Variants in STARD13 observed in about 807,000 individuals in gnomAD.
STARD13 encodes StAR related lipid transfer domain containing 13.
Under a neutral mutation model 106.4 loss-of-function variants are expected in STARD13, and 62 were observed. The ratio of observed to expected loss-of-function variants is 0.58; its 90% confidence interval spans 0.48 to 0.72. The LOEUF is 0.72. STARD13 is among the 30% of genes least tolerant of loss of function. The pLI is 0.00. For missense variants in STARD13, 1,387 were observed against 1,424.0 expected, an observed-to-expected ratio of 0.97 and a Z score of 0.42; for synonymous variants, 565 against 553.0, an observed-to-expected ratio of 1.02 and a Z score of -0.31.
chr13:33,396,204 C>A, the STARD13 span, among the ~76,000 whole-genome samples: 6 of 151,928 alleles, frequency 3.9e-5, no homozygotes, highest in African/African-American at 1.5e-4. Flanking sequence ...CTATGTTGAC[C>A]AGGTTGGTTT....
chr13:33,491,170 G>T, the STARD13 span, among the ~76,000 whole-genome samples: 1 of 152,190 alleles, frequency 6.6e-6, no homozygotes, highest in Admixed American at 6.5e-5. Flanking sequence ...ACTGTTGAAA[G>T]GATAACAGAC....
At chr13:33,163,099 T>C (rs1594009861) in intron 3 of STARD13, among the ~76,000 whole-genome samples, 1 of 152,068 alleles carries the variant, frequency 6.6e-6, no homozygotes, top group Non-Finnish European at 1.5e-5. Flanking sequence ...ATGAGGAAGA[T>C]GCAAAAGCAG....
At chr13:33,263,448 G>A (rs1201938434) in intron 1 of STARD13, among the ~76,000 whole-genome samples, 2 of 152,180 alleles carry the variant, frequency 1.3e-5, no homozygotes, top group Non-Finnish European at 2.9e-5. Context: ...AATGAAATGA[G>A]AGAACTTTTG....
chr13:33,526,429 G>A, the STARD13 span, among the ~76,000 whole-genome samples: 13 of 152,004 alleles, frequency 8.6e-5, no homozygotes, highest in African/African-American at 2.7e-4. Flanking sequence ...ACTGAAACAG[G>A]GTGAACACTC....
chr13:33,352,709 C>G (rs894485922), upstream of STARD13, among the ~76,000 whole-genome samples: 2 of 152,238 alleles, frequency 1.3e-5, no homozygotes, highest in Non-Finnish European at 2.9e-5. Context: ...CATGGCCCAG[C>G]TCTCTGCCAG....
the STARD13 span, among the ~76,000 whole-genome samples, chr13:33,590,271 C>A: frequency 6.6e-6 from 1 of 152,124 alleles, no homozygotes; most frequent in Non-Finnish European, 1.5e-5. Flanking sequence ...CTAGTTCAAC[C>A]ATTGCGGAAG....
At chr13:33,167,439 G>T in intron 2 of STARD13, 112 bp downstream of exon 2, 2 of 1,079,634 alleles carry the variant, frequency 1.9e-6, no homozygotes, top group Non-Finnish European at 2.7e-6. Flanking sequence ...AAAAGAAAGC[G>T]AAGCAAAATG....
the STARD13 span, among the ~76,000 whole-genome samples, chr13:33,463,113 C>T: frequency 6.6e-6 from 1 of 152,144 alleles, no homozygotes; most frequent in Admixed American, 6.5e-5. Flanking sequence ...GTAGGCAAGC[C>T]TCCGAATTGG....
intron 6 of STARD13, 96 bp downstream of exon 6, chr13:33,127,277 G>T: frequency 7.3e-7 from 1 of 1,369,784 alleles, no homozygotes; most frequent in Middle Eastern, 2.0e-4. Context: ...CAATGAATGG[G>T]TTTTTCAGAT....
upstream of STARD13, chr13:33,350,777 C>A: frequency 1.9e-6 from 1 of 528,898 alleles, no homozygotes; most frequent in Non-Finnish European, 2.5e-6. Flanking sequence ...AGCGCGCTTC[C>A]CCTTCCCTCC....
At chr13:33,402,778 G>C in the STARD13 span, among the ~76,000 whole-genome samples, 2 of 152,348 alleles carry the variant, frequency 1.3e-5, no homozygotes, top group East Asian at 3.9e-4. Context: ...GAGAAGTTCG[G>C]CTGGGGGTGG....
At chr13:33,608,407 G>A in the STARD13 span, among the ~76,000 whole-genome samples, 5 of 152,056 alleles carry the variant, frequency 3.3e-5, no homozygotes, top group South Asian at 1.0e-3. Flanking sequence ...AGAGTAAATG[G>A]CCAACAAGTG....
chr13:33,359,310 T>C, the STARD13 span, among the ~76,000 whole-genome samples: 3 of 151,388 alleles, frequency 2.0e-5, no homozygotes, highest in African/African-American at 7.3e-5. Flanking sequence ...CCAGACGCGC[T>C]GCCTTAAGAG....
At position 33,112,919 on chromosome 13, in the gene STARD13, T is replaced by C. The variant is rs780080561; in HGVS notation, c.2294A>G (p.Glu765Gly). The change falls in exon 9 of 14, where the codon GAG becomes GGG. Residue 765 changes from glutamate to glycine, a missense_variant. By Grantham distance (98) the Glu-to-Gly change is moderately conservative. Coordinates refer to ENST00000336934, the MANE Select transcript of STARD13 (RefSeq NM_178006.4). ...FLHIYQYVSK[E>G]QRLQAVQAAI... ...AGCCTGCACGGCCTGCAGCCGCTGC[T>C]CTTTGGAGACATCTGAGGAAAAGTG... 2 of 1,606,654 alleles carry C rather than the reference T, an allele frequency of 1.2e-6. No homozygotes were observed. The highest frequency in any genetic ancestry group is 1.7e-6 in the Non-Finnish European group (2 of 1,177,120).
At chr13:33,187,982 AC>A (rs1269809947) in intron 1 of STARD13, among the ~76,000 whole-genome samples, 1 of 152,038 alleles carries the variant, frequency 6.6e-6, no homozygotes, top group African/African-American at 2.4e-5. Context: ...ACTGCGCCCA[AC>A]CTAAACGAAG....
intron 5 of STARD13, among the ~76,000 whole-genome samples, chr13:33,127,923 C>T (rs1010105921): frequency 2.1e-5 from 3 of 144,694 alleles, no homozygotes; most frequent in Non-Finnish European, 4.5e-5. Flanking sequence ...GAGAGAGAAA[C>T]GGAAAGAGAG....
chr13:33,609,973 GA>G, the STARD13 span, among the ~76,000 whole-genome samples: 2 of 152,008 alleles, frequency 1.3e-5, no homozygotes, highest in Admixed American at 6.6e-5. Flanking sequence ...AAAAAGTGGG[GA>G]AAAAAGTCAT....
chr13:33,280,689 A>G (rs1481366637), intron 1 of STARD13: 1 of 152,224 alleles, frequency 6.6e-6, no homozygotes, highest in African/African-American at 2.4e-5. Flanking sequence ...AAAGCATGAC[A>G]CAGGTTTCAA....
chr13:33,176,630 A>G (rs1365997401), intron 1 of STARD13, among the ~76,000 whole-genome samples: 1 of 152,212 alleles, frequency 6.6e-6, no homozygotes, highest in East Asian at 1.9e-4. Context: ...GAGTTCAGGT[A>G]TTTGAAATAG....
Sources: gnomAD v4.1 joint callset for allele counts (sites outside exome capture counted in the v4.1 genomes callset) on GRCh38, gnomAD v4.1.1 for gene constraint, MANE v1.5 for transcripts, NCBI Gene and HGNC (gene_info 2026-07-23, HGNC 2026-07-21) for gene names.